The following MYO16 variants were observed in gnomAD, a reference collection of about 807,000 sequenced individuals.
MYO16 encodes unconventional myosin-XVI.
In MYO16, 94 loss-of-function variants were observed where a neutral mutation model predicts 205.3. The ratio of observed to expected loss-of-function variants is 0.46; its 90% CI spans 0.39 to 0.54. The LOEUF is 0.54. MYO16 is among the 20% of genes least tolerant of loss of function. The pLI is 0.00. For synonymous variants in MYO16, 988 were observed against 954.0 expected, an observed-to-expected ratio of 1.04 and a Z score of -0.66; for missense variants, 2,315 against 2,387.5, an observed-to-expected ratio of 0.97 and a Z score of 0.63.
At chr13:108,556,271 A>G in the MYO16 span, among the ~76,000 whole-genome samples, 2 of 151,696 alleles carry the variant, frequency 1.3e-5, no homozygotes, top group Non-Finnish European at 2.9e-5. Context: ...AGTGTGCAAG[A>G]CTTCCCTTTT....
chr13:108,812,760 G>A (rs1421563330), intron 7 of MYO16, among the ~76,000 whole-genome samples: 2 of 151,998 alleles, frequency 1.3e-5, no homozygotes, highest in Non-Finnish European at 2.9e-5. Flanking sequence ...GGTCATGAGG[G>A]TTTCACCCTC....
At chr13:108,786,307 G>C (rs992251791) in intron 5 of MYO16, among the ~76,000 whole-genome samples, 1 of 152,220 alleles carries the variant, frequency 6.6e-6, no homozygotes, top group Non-Finnish European at 1.5e-5. Flanking sequence ...ACCGACAAAG[G>C]ATGTTTAATT....
chr13:109,002,905 A>T (rs1885264598), intron 21 of MYO16, among the ~76,000 whole-genome samples: 1 of 152,188 alleles, frequency 6.6e-6, no homozygotes, highest in Non-Finnish European at 1.5e-5. Flanking sequence ...ACATTTTTTT[A>T]AAGTTTCAAT....
intron 16 of MYO16, among the ~76,000 whole-genome samples, chr13:108,951,123 T>C (rs781484996): frequency 1.2e-4 from 19 of 152,278 alleles, no homozygotes; most frequent in Non-Finnish European, 2.4e-4. Context: ...TAATACTTTT[T>C]GATATTTAGA....
rs75904055 is a variant in MYO16, at chr13:108,814,115, T to C, written c.868-6222T>C. On this transcript the variant is annotated intron_variant, in intron 7 of 34. Transcript: ENST00000457511. Reference sequence around the variant, plus strand: ...ACATTTACTTTTATGATTTAAATGCTTTCCGCAGTTGAAGCTGTAGAGAAC... The same window carrying C: ...ACATTTACTTTTATGATTTAAATGCCTTCCGCAGTTGAAGCTGTAGAGAAC... 6.8e-3 allele frequency among the ~76,000 whole-genome samples: 1,039 copies of C among 152,316 alleles called. 12 individuals carry two copies. The highest frequency in any genetic ancestry group is 0.024 in the African/African-American group (998 of 41,586).
At chr13:108,839,118 A>C (rs1035153933) in intron 9 of MYO16, among the ~76,000 whole-genome samples, 3 of 152,096 alleles carry the variant, frequency 2.0e-5, no homozygotes, top group African/African-American at 7.2e-5. Context: ...GGGACTCTGC[A>C]GAGTCCTGAG....
intron 6 of MYO16, among the ~76,000 whole-genome samples, chr13:108,794,795 G>A (rs1022733549): frequency 6.6e-6 from 1 of 152,066 alleles, no homozygotes; most frequent in Middle Eastern, 3.2e-3. Flanking sequence ...AACTAGAATA[G>A]GAGAAGGGAA....
chr13:108,986,030 G>A lies in MYO16; in HGVS notation c.2370-6346G>A, dbSNP rs190497657. On this transcript the variant is annotated intron_variant, in intron 20 of 34. Transcript: ENST00000457511. ...CATGGCAGAAGGCGAAGGAGGAGCA[G>A]AGGCACATCTTACATGGCAGCAGGC... 7.0e-3 allele frequency among the ~76,000 whole-genome samples: 1,071 copies of A among 152,242 alleles called. 10 individuals are homozygous for A. The highest frequency in any genetic ancestry group is 0.011 in the Non-Finnish European group (748 of 68,026).
At chr13:108,956,253 G>T (rs919073440) in intron 16 of MYO16, among the ~76,000 whole-genome samples, 1 of 152,014 alleles carries the variant, frequency 6.6e-6, no homozygotes, top group Non-Finnish European at 1.5e-5. Flanking sequence ...TACTCATCAT[G>T]AGCTCCCTGC....
intron 16 of MYO16, among the ~76,000 whole-genome samples, chr13:108,934,948 T>A (rs775212449): frequency 2.0e-5 from 3 of 152,122 alleles, no homozygotes; most frequent in Non-Finnish European, 2.9e-5. Context: ...GTGGCTATAT[T>A]TCTGGGCTCT....
chr13:108,683,067 A>G (rs1882530324), intron 2 of MYO16, among the ~76,000 whole-genome samples: 1 of 152,088 alleles, frequency 6.6e-6, no homozygotes, highest in Non-Finnish European at 1.5e-5. Flanking sequence ...TCTAAATTCT[A>G]TTCATCTTAA....
At chr13:109,022,715 G>A (rs1246534877) in intron 23 of MYO16, among the ~76,000 whole-genome samples, 5 of 72,410 alleles carry the variant, frequency 6.9e-5, no homozygotes, top group East Asian at 3.9e-4. Flanking sequence ...TTATATATAC[G>A]CATATAAACA....
At chr13:108,518,370 C>T in the MYO16 span, among the ~76,000 whole-genome samples, 1 of 152,102 alleles carries the variant, frequency 6.6e-6, no homozygotes, top group Admixed American at 6.5e-5. Context: ...CATTTTGATA[C>T]ATCAAGAAGA....
the MYO16 span, among the ~76,000 whole-genome samples, chr13:108,548,284 G>T: frequency 3.3e-5 from 5 of 151,334 alleles, no homozygotes; most frequent in African/African-American, 1.2e-4. Flanking sequence ...TGATGATGCT[G>T]GTGGTGGTTA....
intron 21 of MYO16, among the ~76,000 whole-genome samples, chr13:109,002,133 G>T (rs1376516844): frequency 6.6e-6 from 1 of 152,104 alleles, no homozygotes; most frequent in African/African-American, 2.4e-5. Context: ...AATTTAATTG[G>T]TTTGGGGTCA....
At position 109,206,593 on chromosome 13, in the gene MYO16, C is replaced by T; in HGVS notation, c.5416-16C>T. The T allele has an allele frequency of 6.3e-7, 1 of 1,592,224 alleles. No individual in the cohort carries two copies. Among genetic ancestry groups the T allele is most frequent in the Non-Finnish European group, 8.6e-7 (1 of 1,164,628 alleles). On this transcript the variant is annotated splice_polypyrimidine_tract_variant and intron_variant, in intron 34 of 34. Coordinates refer to ENST00000457511, the MANE Select transcript of MYO16 (RefSeq NM_001198950.3). ...TTTGGTGCTACCTGTTTTTTCTGCC[C>T]CTCTTCCTCCCACAGGTAATCCATC...
intron 27 of MYO16, among the ~76,000 whole-genome samples, chr13:109,066,907 G>C (rs4773020): frequency 5.3e-5 from 8 of 151,958 alleles, no homozygotes; most frequent in African/African-American, 1.5e-4. Context: ...AAGGCAACTT[G>C]GCTGTTTCGT....
At chr13:108,868,917 C>CAA (rs34882433) in intron 12 of MYO16, among the ~76,000 whole-genome samples, 14,041 of 138,202 alleles carry the variant, frequency 0.1, 779 homozygotes, top group Non-Finnish European at 0.13. Flanking sequence ...GAGACTCTGT[C>CAA]AAAAAAAAAA....
chr13:108,982,909 T>C (rs1884495400), intron 20 of MYO16, among the ~76,000 whole-genome samples: 1 of 152,138 alleles, frequency 6.6e-6, no homozygotes, highest in Admixed American at 6.5e-5. Context: ...GACCAATCCA[T>C]ACATTATAGC....
Sources: gnomAD v4.1 joint callset for allele counts (sites outside exome capture counted in the v4.1 genomes callset) on GRCh38, gnomAD v4.1.1 for gene constraint, MANE v1.5 for transcripts, NCBI Gene and HGNC (gene_info 2026-07-23, HGNC 2026-07-21) for gene names.